Variants in HPS1 observed in about 807,000 individuals in gnomAD.
HPS1 encodes BLOC-3 complex member HPS1.
HPS1 carries 59 observed loss-of-function variants against 90.6 expected under a neutral mutation model. The observed-to-expected ratio is 0.65, with a 90% CI of 0.53 to 0.81. The LOEUF (loss-of-function observed/expected upper bound fraction) is 0.81. Ranked by LOEUF, HPS1 falls within the 30% of genes least tolerant of loss-of-function variation. The probability of loss-of-function intolerance (pLI) is 0.00; values close to 1 mark genes in which losing one functional copy is unlikely to be tolerated. For synonymous variants in HPS1, 388 were observed against 384.4 expected, an observed-to-expected ratio of 1.01 and a Z score of -0.11; for missense variants, 849 against 896.7, an observed-to-expected ratio of 0.95 and a Z score of 0.68.
Position 98,417,924 on chromosome 10 carries a change from T to C in HPS1, c.1941-198A>G, listed in dbSNP as rs562987237. 1.3e-5 allele frequency among the ~76,000 whole-genome samples: 2 copies of C among 152,222 alleles called. No individual in the cohort carries two copies. Among genetic ancestry groups the C allele is most frequent in the Non-Finnish European group, 2.9e-5 (2 of 67,994 alleles). On this transcript the variant is annotated intron_variant, in intron 19 of 19. Coordinates refer to ENST00000361490, the MANE Select transcript of HPS1 (RefSeq NM_000195.5). The surrounding 1 kb of genome is among the most constrained non-coding windows in gnomAD (Gnocchi z 4.2). ...CCTGGCTACGAGGTAGCAGTGGGGA[T>C]GTTCTGGGCCGGGCACAGACGTTCC...
chr10:98,431,740 G>A (rs771089319), intron 6 of HPS1, among the ~76,000 whole-genome samples: 1 of 152,198 alleles, frequency 6.6e-6, no homozygotes, highest in Non-Finnish European at 1.5e-5. Context: ...GATGGGGACA[G>A]AGTTTGCAAT....
At chr10:98,418,747 T>C (rs1369685898) in intron 18 of HPS1, among the ~76,000 whole-genome samples, 5 of 152,226 alleles carry the variant, frequency 3.3e-5, no homozygotes, top group Non-Finnish European at 5.9e-5. Flanking sequence ...GTGGACTCCC[T>C]AGTGTGCAGG....
intron 5 of HPS1, among the ~76,000 whole-genome samples, chr10:98,434,858 G>A (rs1847073691): frequency 1.3e-5 from 2 of 151,426 alleles, no homozygotes; most frequent in African/African-American, 2.4e-5. Flanking sequence ...AAACCTTCAC[G>A]AGACTGTATG....
rs1268794564 is a variant in HPS1, at chr10:98,431,323, A to T, written c.508-32T>A. The stretch of plus-strand genomic sequence containing the variant: ...AGGGCAGGAAGGGAGAGGAAGCCAT[A>T]TCACCAACAACCTTGCCCCACTCCA... On this transcript the variant is annotated intron_variant, in intron 6 of 19. Transcript: ENST00000361490. 3 of 1,611,028 alleles carry T rather than the reference A, an allele frequency of 1.9e-6. No homozygotes were observed. In the East Asian group the frequency reaches 6.7e-5, roughly 36 times the overall value.
chr10:98,414,754 T>C (rs1157046749), downstream of HPS1: 1 of 466,850 alleles, frequency 2.1e-6, no homozygotes, highest in Admixed American at 3.9e-5. Flanking sequence ...TCATTCTCCA[T>C]GGGAAGATCC....
rs1305928805 is a variant in HPS1 at position 98,435,606 on chromosome 10, G to T, written c.255+29C>A. 1 of 1,613,756 alleles carries T rather than the reference G, an allele frequency of 6.2e-7. No individual in the cohort carries two copies. The highest frequency in any genetic ancestry group is 1.3e-5 in the African/African-American group (1 of 74,886). ...ACTCCCCATCAAGCTGAGGGAAGAG[G>T]AACATGGGCCCCAGAGCTATAGACT... On this transcript the variant is annotated intron_variant, in intron 4 of 19. Coordinates refer to ENST00000361490, the MANE Select transcript of HPS1 (RefSeq NM_000195.5). The surrounding 1 kb of genome is among the most constrained non-coding windows in gnomAD (Gnocchi z 4.3).
At chr10:98,442,266 A>AAG (rs1938564958) in intron 3 of HPS1, 2 of 152,286 alleles carry the variant, frequency 1.3e-5, no homozygotes, top group Non-Finnish European at 2.9e-5. Context: ...CCATTTATAT[A>AAG]AGGCCATATG....
In HPS1 at chr10:98,417,612, G is replaced by C; in HGVS notation, c.2055C>G (p.Gly685=). 1 of 1,612,466 alleles carries C rather than the reference G, an allele frequency of 6.2e-7. No homozygotes were observed. The highest frequency in any genetic ancestry group is 8.5e-7 in the Non-Finnish European group (1 of 1,179,498). ...IPTDLLVQQA[G]QLARRLWEAS... ...CCTCCCAGAGGCGCCGGGCCAGCTG[G>C]CCGGCCTGCTGCACCAGCAGGTCAG... The change falls in exon 20 of 20, where the codon GGC becomes GGG. Residue 685 remains glycine, a synonymous_variant. Transcript: ENST00000361490. The surrounding 1 kb of genome is among the most constrained non-coding windows in gnomAD (Gnocchi z 4.2).
chr10:98,426,436 A>C (rs535076759), intron 11 of HPS1, among the ~76,000 whole-genome samples: 4 of 152,390 alleles, frequency 2.6e-5, no homozygotes, highest in Admixed American at 6.5e-5. Flanking sequence ...CAAATGGGCA[A>C]GGCTCCAGCC....
rs768270652 is a variant in HPS1 at position 98,435,730 on chromosome 10, C to G, written c.160G>C (p.Val54Leu). Reference protein sequence around the residue: ...EDQLSTLLAPVIISSMTMLEK... With the variant: ...EDQLSTLLAPLIISSMTMLEK... ...AGCATCGTCATGGAGGAGATGATGA[C>G]CGGGGCTAGGAGGGTGCTGAGCTGG... The change falls in exon 4 of 20, where the codon GTC (valine) becomes CTC (leucine). Residue 54 changes from valine to leucine, a missense_variant. Val to Leu is a conservative substitution (Grantham distance 32). Coordinates refer to ENST00000361490, the MANE Select transcript of HPS1 (RefSeq NM_000195.5). The surrounding 1 kb of genome is among the most constrained non-coding windows in gnomAD (Gnocchi z 4.3). The G allele has an allele frequency of 6.2e-7, 1 of 1,614,056 alleles. No homozygotes were observed. Among genetic ancestry groups the G allele is most frequent in the Non-Finnish European group, 8.5e-7 (1 of 1,180,006 alleles).
At chr10:98,444,593 G>A (rs974735436) in intron 2 of HPS1, among the ~76,000 whole-genome samples, 1 of 152,220 alleles carries the variant, frequency 6.6e-6, no homozygotes, top group African/African-American at 2.4e-5. Context: ...CACACAAGTG[G>A]ATTTCCAGTT....
chr10:98,435,297 C>T lies in HPS1; in HGVS notation c.373G>A (p.Val125Met), dbSNP rs1471123079. 1.2e-6 allele frequency: 2 copies of T among 1,614,112 alleles called. No homozygotes were observed. The highest frequency in any genetic ancestry group is 2.2e-5 in the East Asian group (1 of 44,858). Residue 125 changes from valine (V) to methionine (M), a missense_variant, in exon 5 of 20, where the codon GTG (valine) becomes ATG (methionine). Val to Met is a conservative substitution (Grantham distance 21, BLOSUM62 1). Coordinates refer to ENST00000361490, the MANE Select transcript of HPS1 (RefSeq NM_000195.5). The surrounding 1 kb of genome is among the most constrained non-coding windows in gnomAD (Gnocchi z 4.3). Reference sequence around the variant, plus strand: ...TCCTTTCGGATAAGATGACCGTCCACAGTCACCAGCCCAAAGTGCACTTCA... The same window carrying T: ...TCCTTTCGGATAAGATGACCGTCCATAGTCACCAGCCCAAAGTGCACTTCA... ...LFEVHFGLVT[V>M]DGHLIRKELR...
In HPS1 at chr10:98,424,263, C is replaced by G. The variant is rs368790445; in HGVS notation, c.1397+50G>C. The G allele has an allele frequency of 4.8e-5, 66 of 1,382,730 alleles. No individual in the cohort carries two copies. The African/African-American group carries it at 6.6e-4, about 14-fold the overall frequency. The allele number at this position is 1,382,730 out of a possible 1,614,324, so 85.7% of individuals were successfully genotyped here. ...GGAGGAGATGTGGCCTCCCAGGGAA[C>G]AGTCCCCTGGGCACACGACCCACCC... On this transcript the variant is annotated intron_variant, in intron 14 of 19. Transcript: ENST00000361490.
Position 98,425,525 on chromosome 10 carries a change from G to A in HPS1, c.1335+16C>T, listed in dbSNP as rs1250890186. The A allele has an allele frequency of 2.5e-6, 4 of 1,604,054 alleles. No individual in the cohort carries two copies. Among genetic ancestry groups the A allele is most frequent in the East Asian group, 4.5e-5 (2 of 44,662 alleles). On this transcript the variant is annotated intron_variant, in intron 13 of 19. Coordinates refer to ENST00000361490, the MANE Select transcript of HPS1 (RefSeq NM_000195.5). ...GCCTCTTCCCCAGGTGGGGAGGACT[G>A]GAACTTGGGTCTCACCTGAATCTCC...
At chr10:98,439,582 C>T (rs1424860164) in intron 3 of HPS1, among the ~76,000 whole-genome samples, 2 of 152,194 alleles carry the variant, frequency 1.3e-5, no homozygotes, top group Admixed American at 6.5e-5. Flanking sequence ...GCCTATACCC[C>T]CATTGTGTCT....
Position 98,445,041 on chromosome 10 carries a change from C to T in HPS1, c.-1+259G>A, listed in dbSNP as rs916417960. ...AGGTGCGGGTGTCAGGTAATGAGTG[C>T]TCACCCCTTGGTGGGGGCTGGGAGG... On this transcript the variant is annotated intron_variant, in intron 2 of 19. Coordinates refer to ENST00000361490, the MANE Select transcript of HPS1 (RefSeq NM_000195.5). The surrounding 1 kb of genome is among the most constrained non-coding windows in gnomAD (Gnocchi z 4.5). Among the ~76,000 whole-genome samples the T allele has an allele frequency of 3.3e-5, 5 of 152,104 alleles. No individual in the cohort carries two copies. The highest frequency in any genetic ancestry group is 1.3e-4 in the Admixed American group (2 of 15,270).
intron 2 of HPS1, among the ~76,000 whole-genome samples, chr10:98,443,804 G>A (rs1034218202): frequency 6.6e-6 from 1 of 152,184 alleles, no homozygotes; most frequent in East Asian, 1.9e-4. Flanking sequence ...AGGCCAAGGG[G>A]GGTGGATCAC....
At chr10:98,425,514 TG>T in intron 13 of HPS1, 26 bp downstream of exon 13, 1 of 1,595,912 alleles carries the variant, frequency 6.3e-7, no homozygotes, top group Non-Finnish European at 8.5e-7. Flanking sequence ...CTTCCCCAGG[TG>T]GGGAGGACTG....
At position 98,435,222 on chromosome 10, in the gene HPS1, C is replaced by G. The variant is rs1215993757; in HGVS notation, c.398+50G>C. 1.9e-6 allele frequency: 3 copies of G among 1,611,784 alleles called. No homozygotes were observed. Among genetic ancestry groups the G allele is most frequent in the Non-Finnish European group, 2.5e-6 (3 of 1,178,926 alleles). ...GGGGCTGGGCACACGCTGCCTGGCC[C>G]AGCGAGGGTGCTCGGCAAAGGACAG... On this transcript the variant is annotated intron_variant, in intron 5 of 19. Coordinates refer to ENST00000361490, the MANE Select transcript of HPS1 (RefSeq NM_000195.5). This position sits in a 1 kb window ranked among gnomAD's most constrained non-coding sequence, Gnocchi z 4.3.
Sources: gnomAD v4.1 joint callset for allele counts (sites outside exome capture counted in the v4.1 genomes callset) on GRCh38, gnomAD v4.1.1 for gene constraint, Gnocchi (gnomAD v3.1) non-coding constraint, MANE v1.5 for transcripts, NCBI Gene and HGNC (gene_info 2026-07-23, HGNC 2026-07-21) for gene names.